MSH3: variants seen among roughly 807,000 people sequenced by gnomAD.
MSH3 encodes mutS homolog 3.
In MSH3, 106 loss-of-function variants were observed where a neutral mutation model predicts 123.3. The observed-to-expected ratio is 0.86, with a 90% CI of 0.73 to 1.01. MSH3 has a LOEUF of 1.01. Ranked by LOEUF, MSH3 falls within the 50% of genes least tolerant of loss-of-function variation. The pLI is 0.00. For synonymous variants in MSH3, 515 were observed against 481.4 expected (o/e 1.07, Z -0.91); for missense variants, 1,459 against 1,347.6 (o/e 1.08, Z -1.29).
intron 19 of MSH3, among the ~76,000 whole-genome samples, chr5:80,804,631 A>G (rs1744851888): frequency 6.6e-6 from 1 of 152,146 alleles, no homozygotes; most frequent in African/African-American, 2.4e-5. Context: ...CCCCAAACAA[A>G]CGGAGCCTGT....
At chr5:80,761,229 C>A (rs577286608) in intron 12 of MSH3, among the ~76,000 whole-genome samples, 1 of 152,238 alleles carries the variant, frequency 6.6e-6, no homozygotes, top group African/African-American at 2.4e-5. Flanking sequence ...CAAGACAGAA[C>A]GAGAATCTTG....
At chr5:80,806,396 C>T (rs1416916201) in intron 19 of MSH3, among the ~76,000 whole-genome samples, 1 of 152,150 alleles carries the variant, frequency 6.6e-6, no homozygotes, top group Non-Finnish European at 1.5e-5. Flanking sequence ...TGTGCCTGGC[C>T]CAGAATTTAT....
intron 10 of MSH3, among the ~76,000 whole-genome samples, chr5:80,738,397 T>C (rs1448020401): frequency 2.6e-5 from 4 of 152,206 alleles, no homozygotes. Flanking sequence ...GTTTCAGTGG[T>C]TCACTTGAGG....
At chr5:80,827,670 G>T (rs938877352) in intron 20 of MSH3, among the ~76,000 whole-genome samples, 1 of 152,120 alleles carries the variant, frequency 6.6e-6, no homozygotes, top group African/African-American at 2.4e-5. Context: ...TTCTTTAACT[G>T]TGTCTAGCAA....
rs897900195 is a variant in MSH3 at position 80,776,931 on chromosome 5, T to A, written c.2318+1173T>A. Among the ~76,000 whole-genome samples the A allele has an allele frequency of 2.8e-3, 388 of 138,530 alleles. 4 individuals are homozygous for A. Among genetic ancestry groups the A allele is most frequent in the African/African-American group, 8.0e-3 (293 of 36,784 alleles). The allele number at this position is 138,530 out of a possible 152,430, so 90.9% of individuals were successfully genotyped here. On this transcript the variant is annotated intron_variant, in intron 16 of 23. Coordinates refer to ENST00000265081, the MANE Select transcript of MSH3 (RefSeq NM_002439.5). ...ATACAAATATATATATATATATATT[T>A]TTTTTTTTTCTTTTTTTTAAGACAG... is the stretch of plus-strand genomic sequence containing the variant.
At chr5:80,713,046 G>C (rs1438483973) in intron 8 of MSH3, among the ~76,000 whole-genome samples, 1 of 152,096 alleles carries the variant, frequency 6.6e-6, no homozygotes, top group African/African-American at 2.4e-5. Context: ...ACTGTCAGAG[G>C]GGGCCTTGTA....
At chr5:80,784,022 C>T (rs1022655010) in intron 17 of MSH3, among the ~76,000 whole-genome samples, 1 of 151,652 alleles carries the variant, frequency 6.6e-6, no homozygotes, top group Non-Finnish European at 1.5e-5. Context: ...CTAGCCTGGC[C>T]AACATGGGGA....
rs1477764430 is a variant in MSH3 at position 80,761,429 on chromosome 5, G to C, written c.1764-117G>C. The C allele has an allele frequency of 2.4e-6, 3 of 1,226,466 alleles. No individual in the cohort carries two copies. In the African/African-American group the frequency reaches 4.5e-5, roughly 18 times the overall value. 76.0% of individuals were successfully genotyped at this position (1,226,466 alleles called of 1,614,324 possible). The stretch of plus-strand genomic sequence containing the variant: ...CACATGACTATCTCAGTATGAAGGA[G>C]GAGTTTCCTTTGTGCCTAATAAGTG... On this transcript the variant is annotated intron_variant, in intron 12 of 23. Coordinates refer to ENST00000265081, the MANE Select transcript of MSH3 (RefSeq NM_002439.5).
intron 2 of MSH3, among the ~76,000 whole-genome samples, chr5:80,662,116 T>G (rs778524860): frequency 6.6e-5 from 10 of 152,234 alleles, no homozygotes; most frequent in Non-Finnish European, 1.0e-4. Flanking sequence ...ATTTTTGCTG[T>G]ACCATTTCTA....
At chr5:80,696,073 G>T (rs950639797) in intron 8 of MSH3, among the ~76,000 whole-genome samples, 16 of 152,144 alleles carry the variant, frequency 1.1e-4, no homozygotes, top group African/African-American at 3.6e-4. Context: ...TCTTGTTACT[G>T]CTGGGTCCCT....
At chr5:80,864,079 T>G (rs765864971) in intron 21 of MSH3, among the ~76,000 whole-genome samples, 13 of 152,162 alleles carry the variant, frequency 8.5e-5, no homozygotes, top group Admixed American at 8.5e-4. Flanking sequence ...GGTTAAATAT[T>G]TTTTCCTTGT....
chr5:80,670,234 G>A lies in MSH3; in HGVS notation c.717G>A (p.Met239Ile). The A allele has an allele frequency of 6.2e-7, 1 of 1,614,128 alleles. No homozygotes were observed. The highest frequency in any genetic ancestry group is 8.5e-7 in the Non-Finnish European group (1 of 1,180,016). ...YTPLELQYIE[M>I]KQQHKDAVLC... The stretch of plus-strand genomic sequence containing the variant: ...CGCTAGAATTACAATACATAGAAAT[G>A]AAGCAGCAGCACAAAGATGCAGTTT... Residue 239 changes from methionine (M) to isoleucine (I), a missense_variant, in exon 4 of 24, where the codon ATG becomes ATA. By Grantham distance (10) the Met-to-Ile change is conservative (BLOSUM62 1). Coordinates refer to ENST00000265081, the MANE Select transcript of MSH3 (RefSeq NM_002439.5).
intron 23 of MSH3, among the ~76,000 whole-genome samples, 182 bp from the exon 24 acceptor site, chr5:80,875,569 T>C (rs547263508): frequency 1.3e-5 from 2 of 152,138 alleles, no homozygotes; most frequent in African/African-American, 4.8e-5. Context: ...GTAACCTGGG[T>C]CCCTTGATTA....
In MSH3 at chr5:80,875,755, A is replaced by G. The variant is rs1746297485; in HGVS notation, c.3307A>G (p.Arg1103Gly). Residue 1103 changes from arginine (R) to glycine (G), a missense_variant, in exon 24 of 24, where the codon AGA (arginine) becomes GGA (glycine). Transcript: ENST00000265081. ...LEGLINTKRK[R>G]LKYFAKLWTM... ...TAGTATTTGATTTTTCCCCAGAAAG[A>G]GACTCAAGTATTTTGCAAAGTTATG... 6.3e-7 allele frequency: 1 copy of G among 1,599,882 alleles called. No individual in the cohort carries two copies. Among genetic ancestry groups the G allele is most frequent in the Non-Finnish European group, 8.6e-7 (1 of 1,167,162 alleles).
chr5:80,663,341 GTAGGCAGTTTCAGCAGC>G (rs1271999751), intron 2 of MSH3, among the ~76,000 whole-genome samples: 1 of 152,194 alleles, frequency 6.6e-6, no homozygotes, highest in Admixed American at 6.5e-5. Context: ...TCAGGTTACA[GTAGGCAGTTTCAGCAGC>G]TAGGCTTGCA....
chr5:80,695,480 G>A lies in MSH3; in HGVS notation c.1340+16387G>A, dbSNP rs941437463. 2.0e-4 allele frequency among the ~76,000 whole-genome samples: 31 copies of A among 152,064 alleles called. No individual in the cohort carries two copies. In the East Asian group the frequency reaches 3.3e-3, roughly 16 times the overall value. On this transcript the variant is annotated intron_variant, in intron 8 of 23. Coordinates refer to ENST00000265081, the MANE Select transcript of MSH3 (RefSeq NM_002439.5). ...CTCCCTAGTAGCTGGTATTATAGGC[G>A]CCTGCCACCACGCCCAGCTAATTTT...
chr5:80,807,217 A>C (rs1744907187), intron 19 of MSH3, among the ~76,000 whole-genome samples: 2 of 151,574 alleles, frequency 1.3e-5, no homozygotes, highest in African/African-American at 4.8e-5. Flanking sequence ...AAAAAGGAAA[A>C]GGAAATAACT....
intron 21 of MSH3, among the ~76,000 whole-genome samples, chr5:80,858,042 T>C (rs565258881): frequency 6.6e-6 from 1 of 152,232 alleles, no homozygotes; most frequent in East Asian, 1.9e-4. Context: ...TTCTTTCTTT[T>C]CTTTCCATTT....
At position 80,835,822 on chromosome 5, in the gene MSH3, C is replaced by G. The variant is rs142886709; in HGVS notation, c.2814-18308C>G. On this transcript the variant is annotated intron_variant, in intron 20 of 23. Coordinates refer to ENST00000265081, the MANE Select transcript of MSH3 (RefSeq NM_002439.5). The stretch of plus-strand genomic sequence containing the variant: ...CCCAGCTACTCGGGAGGCTGAGGCA[C>G]GAGAATTACTTGAACCCTGGAGGTA... 2.0e-3 allele frequency among the ~76,000 whole-genome samples: 304 copies of G among 151,698 alleles called. 2 individuals carry two copies. The highest frequency in any genetic ancestry group is 7.3e-3 in the African/African-American group (303 of 41,346).
Sources: allele counts gnomAD v4.1 joint callset (sites outside exome capture counted in the v4.1 genomes callset), GRCh38; gene constraint gnomAD v4.1.1; transcripts MANE v1.5; gene names NCBI Gene and HGNC (gene_info 2026-07-23, HGNC 2026-07-21).